HDAC9: variants seen among roughly 807,000 people sequenced by gnomAD.
The protein encoded by HDAC9 is histone deacetylase 9.
HDAC9 carries 41 observed loss-of-function variants against 139.4 expected under a neutral mutation model. The observed-to-expected ratio is 0.29, with a 90% CI of 0.23 to 0.38. The LOEUF (loss-of-function observed/expected upper bound fraction) is 0.38, where lower values mean the gene tolerates loss of function less well. HDAC9 is among the 10% of genes least tolerant of loss of function. HDAC9 has a pLI of 1.00. For missense variants in HDAC9, 1,147 were observed against 1,297.0 expected (o/e 0.88, Z 1.78); for synonymous variants, 517 against 476.2 (o/e 1.09, Z -1.12).
intron 2 of HDAC9, among the ~76,000 whole-genome samples, chr7:18,242,230 T>C (rs1473830801): frequency 6.6e-6 from 1 of 152,226 alleles, no homozygotes; most frequent in Non-Finnish European, 1.5e-5. Flanking sequence ...CCCAACTCCT[T>C]GTATATGTAA....
At chr7:18,563,857 G>A (rs1008191688) in intron 2 of HDAC9, among the ~76,000 whole-genome samples, 3 of 127,250 alleles carry the variant, frequency 2.4e-5, no homozygotes, top group Admixed American at 1.7e-4. Context: ...TTTTTTTTGA[G>A]ACGGATTCTT....
Position 18,581,098 on chromosome 7 carries a change from G to T in HDAC9, c.23-4183G>T, listed in dbSNP as rs1827687217. 2.6e-5 allele frequency among the ~76,000 whole-genome samples: 4 copies of T among 152,212 alleles called. No homozygotes were observed. In the South Asian group the frequency reaches 8.3e-4, roughly 32 times the overall value. The stretch of plus-strand genomic sequence containing the variant: ...GGAACTAATCTAGCAGGCCAAAGAT[G>T]ACCTACACAGAACCATCAGTGTGCT... On this transcript the variant is annotated intron_variant, in intron 2 of 25. Coordinates refer to ENST00000686413, the MANE Select transcript of HDAC9 (RefSeq NM_178425.4).
chr7:18,689,135 A>C (rs1782489774), intron 12 of HDAC9, among the ~76,000 whole-genome samples: 1 of 146,058 alleles, frequency 6.8e-6, no homozygotes. Context: ...CCATTAAAAC[A>C]TTAAAATGGG....
intron 2 of HDAC9, among the ~76,000 whole-genome samples, chr7:18,552,904 C>T (rs1817604671): frequency 6.6e-6 from 1 of 152,132 alleles, no homozygotes; most frequent in African/African-American, 2.4e-5. Context: ...TGGCATTTAC[C>T]TTAATAAAAA....
At chr7:18,166,403 G>A (rs112269893) in intron 2 of HDAC9, among the ~76,000 whole-genome samples, 66 of 152,202 alleles carry the variant, frequency 4.3e-4, no homozygotes, top group African/African-American at 1.2e-3. Context: ...TCATTTTCTC[G>A]TATTCTATTC....
At chr7:18,156,421 T>A (rs1787207557) in intron 1 of HDAC9, among the ~76,000 whole-genome samples, 1 of 152,194 alleles carries the variant, frequency 6.6e-6, no homozygotes, top group Non-Finnish European at 1.5e-5. Flanking sequence ...AGGATATTTT[T>A]CTTTCTTTCT....
At chr7:18,417,668 G>C (rs979120427) in intron 1 of HDAC9, among the ~76,000 whole-genome samples, 2 of 152,018 alleles carry the variant, frequency 1.3e-5, no homozygotes, top group Non-Finnish European at 2.9e-5. Flanking sequence ...CACACTTCTG[G>C]ATACTCTACT....
chr7:18,142,116 T>C (rs1055654005), intron 1 of HDAC9, among the ~76,000 whole-genome samples: 2 of 151,976 alleles, frequency 1.3e-5, no homozygotes, highest in Non-Finnish European at 2.9e-5. Flanking sequence ...TGTGTGTAGA[T>C]GAGTTATTTT....
chr7:18,451,185 G>A (rs971998485), intron 1 of HDAC9, among the ~76,000 whole-genome samples: 3 of 152,146 alleles, frequency 2.0e-5, no homozygotes, highest in Middle Eastern at 3.4e-3. Context: ...ATCATGTGAC[G>A]GCACAGAGAA....
At chr7:18,119,528 A>G (rs1784229900) in intron 1 of HDAC9, among the ~76,000 whole-genome samples, 1 of 152,214 alleles carries the variant, frequency 6.6e-6, no homozygotes, top group Non-Finnish European at 1.5e-5. Context: ...ACTCTAGAGA[A>G]CTGTCGGTCT....
intron 1 of HDAC9, among the ~76,000 whole-genome samples, chr7:18,438,991 A>G (rs1267418750): frequency 6.6e-6 from 1 of 152,070 alleles, no homozygotes; most frequent in Non-Finnish European, 1.5e-5. Flanking sequence ...ATGTGTGTGC[A>G]TACTGTGGAT....
At chr7:18,559,690 G>T (rs576649519) in intron 2 of HDAC9, among the ~76,000 whole-genome samples, 1 of 152,284 alleles carries the variant, frequency 6.6e-6, no homozygotes, top group South Asian at 2.1e-4. Context: ...AGGTGGTCTG[G>T]AATGTGGGAG....
chr7:18,701,670 T>C (rs186903916), intron 12 of HDAC9, among the ~76,000 whole-genome samples: 1 of 152,328 alleles, frequency 6.6e-6, no homozygotes, highest in East Asian at 1.9e-4. Flanking sequence ...ATACAGAACT[T>C]TGAATAATTA....
chr7:18,272,941 CTACTACTACTACTACTACTACTACTAT>C (rs1332362755), intron 2 of HDAC9, among the ~76,000 whole-genome samples: 7 of 150,286 alleles, frequency 4.7e-5, no homozygotes, highest in African/African-American at 1.7e-4. Flanking sequence ...ACTACTACTA[CTACTACTACTACTACTACTACTACTAT>C]TTCTTCCTCC....
rs1373947536 is a variant in HDAC9 at position 18,881,421 on chromosome 7, A to G, written c.2803+6825A>G. On this transcript the variant is annotated intron_variant, in intron 22 of 25. Coordinates refer to ENST00000686413, the MANE Select transcript of HDAC9 (RefSeq NM_178425.4). ...GCAGATACTCAATAAAAGGTCATATATGGGTATGTAGCTCAAATACCCTCC... is the reference window on the plus strand; with the variant it reads ...GCAGATACTCAATAAAAGGTCATATGTGGGTATGTAGCTCAAATACCCTCC... Among the ~76,000 whole-genome samples, 7 of 152,084 alleles carry G rather than the reference A, an allele frequency of 4.6e-5. 1 individual carries two copies. Among genetic ancestry groups the G allele is most frequent in the Admixed American group, 4.6e-4 (7 of 15,260 alleles).
chr7:18,122,791 A>G (rs528206633), intron 1 of HDAC9, among the ~76,000 whole-genome samples: 175 of 152,010 alleles, frequency 1.2e-3, no homozygotes, highest in South Asian at 3.5e-3. Flanking sequence ...GCTAATTTTT[A>G]TATCTTTAGT....
At chr7:18,342,710 G>A (rs1782108296) in intron 1 of HDAC9, among the ~76,000 whole-genome samples, 1 of 151,766 alleles carries the variant, frequency 6.6e-6, no homozygotes, top group Non-Finnish European at 1.5e-5. Flanking sequence ...TAGACACATT[G>A]CAAACACCCA....
rs553833313 is a variant in HDAC9, at chr7:18,476,595, A to G, written c.-41-19667A>G. ...TTTCTGGACTTTCTCTTTAAACTTTAAGGCCTGAAGCATTAGTATTTCAGA... is the reference window on the plus strand; with the variant it reads ...TTTCTGGACTTTCTCTTTAAACTTTGAGGCCTGAAGCATTAGTATTTCAGA... On this transcript the variant is annotated intron_variant, in intron 1 of 3. Transcript: ENST00000413509. 1.1e-4 allele frequency among the ~76,000 whole-genome samples: 16 copies of G among 152,214 alleles called. 1 individual carries two copies. In the South Asian group the frequency reaches 3.1e-3, roughly 30 times the overall value.
chr7:18,460,199 A>G (rs1391101643), intron 1 of HDAC9, among the ~76,000 whole-genome samples: 7 of 152,016 alleles, frequency 4.6e-5, no homozygotes, highest in Admixed American at 2.6e-4. Flanking sequence ...GTTTGCTTCT[A>G]ATAATCATAG....
Sources: allele counts gnomAD v4.1 joint callset (sites outside exome capture counted in the v4.1 genomes callset), GRCh38; gene constraint gnomAD v4.1.1; transcripts MANE v1.5; gene names NCBI Gene and HGNC (gene_info 2026-07-23, HGNC 2026-07-21).